The following SLC35F1 variants were observed in gnomAD, a reference collection of about 807,000 sequenced individuals.
The protein encoded by SLC35F1 is solute carrier family 35 member F1, also known as chromosome 6 open reading frame 169.
A neutral mutation model predicts 48.7 loss-of-function variants in SLC35F1; 14 were observed. The observed-to-expected ratio is 0.29, with a 90% confidence interval of 0.19 to 0.45. The LOEUF is 0.45. Among genes scored for constraint, SLC35F1 ranks in the 20% least tolerant of loss-of-function variants. The pLI is 1.00. For synonymous variants in SLC35F1, 190 were observed against 202.2 expected, an observed-to-expected ratio of 0.94 and a Z score of 0.51; for missense variants, 404 against 500.0, an observed-to-expected ratio of 0.81 and a Z score of 1.83.
intron 1 of SLC35F1, among the ~76,000 whole-genome samples, chr6:118,008,022 T>A (rs1360566140): frequency 2.6e-5 from 4 of 152,154 alleles, no homozygotes; most frequent in African/African-American, 9.7e-5. Context: ...GTGGTCTCCA[T>A]AGGCCCTTTC....
At chr6:117,980,211 C>A (rs1223160680) in intron 1 of SLC35F1, among the ~76,000 whole-genome samples, 1 of 152,094 alleles carries the variant, frequency 6.6e-6, no homozygotes, top group Non-Finnish European at 1.5e-5. Flanking sequence ...CATAAGTAAA[C>A]CTCCCACTGA....
chr6:118,121,162 C>T lies in SLC35F1; in HGVS notation c.174-33283C>T, dbSNP rs553770107. ...TTAGCATCTGTTTCTTGTATTGATC[C>T]CCCAATTCACCATGGTAAGCATTAG... is the stretch of plus-strand genomic sequence containing the variant. On this transcript the variant is annotated intron_variant, in intron 1 of 7. Coordinates refer to ENST00000360388, the MANE Select transcript of SLC35F1 (RefSeq NM_001029858.4). Among the ~76,000 whole-genome samples, 8 of 152,104 alleles carry T rather than the reference C, an allele frequency of 5.3e-5. No individual in the cohort carries two copies. In the South Asian group the frequency reaches 1.7e-3, roughly 32 times the overall value.
chr6:118,037,869 G>T (rs923979386), intron 1 of SLC35F1, among the ~76,000 whole-genome samples: 1 of 151,758 alleles, frequency 6.6e-6, no homozygotes, highest in East Asian at 1.9e-4. Context: ...GGGCCTGTTG[G>T]GGGGTGGGGG....
chr6:118,121,578 C>T (rs1278015929), intron 1 of SLC35F1, among the ~76,000 whole-genome samples: 1 of 152,166 alleles, frequency 6.6e-6, no homozygotes, highest in Admixed American at 6.5e-5. Context: ...AACTAATCAA[C>T]CTCTCATGCA....
At chr6:118,245,882 C>T (rs1275104098) in intron 3 of SLC35F1, among the ~76,000 whole-genome samples, 1 of 152,182 alleles carries the variant, frequency 6.6e-6, no homozygotes, top group African/African-American at 2.4e-5. Flanking sequence ...AGCATTCTCT[C>T]TATCCTCTGG....
chr6:118,188,689 A>G (rs1214317029), intron 2 of SLC35F1, among the ~76,000 whole-genome samples: 1 of 152,218 alleles, frequency 6.6e-6, no homozygotes, highest in African/African-American at 2.4e-5. Context: ...ATCTCATTGT[A>G]TATATACACC....
intron 5 of SLC35F1, among the ~76,000 whole-genome samples, chr6:118,276,444 G>A (rs1010587721): frequency 2.6e-5 from 4 of 152,172 alleles, no homozygotes; most frequent in Non-Finnish European, 5.9e-5. Flanking sequence ...AATTATTTAT[G>A]GAAGATATTT....
At chr6:117,938,263 T>C (rs1484269239) in intron 1 of SLC35F1, among the ~76,000 whole-genome samples, 2 of 152,130 alleles carry the variant, frequency 1.3e-5, no homozygotes, top group Admixed American at 6.5e-5. Context: ...ATGTAACATA[T>C]AAGTAAATAT....
chr6:118,168,320 C>T (rs1774349775), intron 2 of SLC35F1, among the ~76,000 whole-genome samples: 1 of 152,022 alleles, frequency 6.6e-6, no homozygotes, highest in Non-Finnish European at 1.5e-5. Context: ...CCCAAGACCC[C>T]CAATGGATGC....
intron 2 of SLC35F1, among the ~76,000 whole-genome samples, chr6:118,207,118 C>T (rs1194903546): frequency 6.6e-6 from 1 of 152,020 alleles, no homozygotes; most frequent in Non-Finnish European, 1.5e-5. Flanking sequence ...GTAGGATAAA[C>T]CTAGGCAAAT....
intron 1 of SLC35F1, among the ~76,000 whole-genome samples, chr6:118,029,314 C>T (rs1270552576): frequency 6.6e-6 from 1 of 152,038 alleles, no homozygotes; most frequent in African/African-American, 2.4e-5. Context: ...GTTTCAGTTA[C>T]CCACAGTCTA....
rs187234239 is a variant in SLC35F1, at chr6:118,112,969, C to A, written c.174-41476C>A. On this transcript the variant is annotated intron_variant, in intron 1 of 7. Transcript: ENST00000360388. ...AAAAACTAGTCCCATCTACAAGAAA[C>A]CTACTTTAATTTTAAAGACAGACAA... 1.7e-3 allele frequency among the ~76,000 whole-genome samples: 258 copies of A among 152,122 alleles called. 2 individuals carry two copies. The highest frequency in any genetic ancestry group is 0.01 in the Middle Eastern group (3 of 294).
intron 2 of SLC35F1, among the ~76,000 whole-genome samples, chr6:118,209,168 A>G (rs1774972955): frequency 6.6e-6 from 1 of 152,226 alleles, no homozygotes; most frequent in African/African-American, 2.4e-5. Context: ...CATTCTGCAT[A>G]GCTGCCCTTT....
At chr6:118,288,705 T>C (rs1776081122) in intron 7 of SLC35F1, among the ~76,000 whole-genome samples, 1 of 152,186 alleles carries the variant, frequency 6.6e-6, no homozygotes, top group Non-Finnish European at 1.5e-5. Context: ...CAGTGAGGCA[T>C]GCCCAACTCC....
At chr6:118,011,160 C>T (rs1777241110) in intron 1 of SLC35F1, among the ~76,000 whole-genome samples, 1 of 152,044 alleles carries the variant, frequency 6.6e-6, no homozygotes. Context: ...AACTGTTCCA[C>T]CTTAGATCAT....
intron 1 of SLC35F1, among the ~76,000 whole-genome samples, chr6:117,937,315 G>T (rs994498635): frequency 1.3e-5 from 2 of 152,194 alleles, no homozygotes; most frequent in Non-Finnish European, 2.9e-5. Flanking sequence ...GCACTACGAG[G>T]AGTTAGATGC....
At chr6:118,009,381 G>A (rs1051260740) in intron 1 of SLC35F1, among the ~76,000 whole-genome samples, 1 of 152,150 alleles carries the variant, frequency 6.6e-6, no homozygotes, top group Non-Finnish European at 1.5e-5. Flanking sequence ...CAGGACATAG[G>A]CAATGTCACA....
chr6:117,923,623 A>ATACG (rs1238068010), intron 1 of SLC35F1, among the ~76,000 whole-genome samples: 2,350 of 35,762 alleles, frequency 0.066, 603 homozygotes, highest in Admixed American at 0.19. Flanking sequence ...ACATATGTAT[A>ATACG]TATACATATA....
At chr6:118,125,847 C>A (rs1328112265) in intron 1 of SLC35F1, among the ~76,000 whole-genome samples, 1 of 152,192 alleles carries the variant, frequency 6.6e-6, no homozygotes, top group Admixed American at 6.5e-5. Flanking sequence ...TCTCAACTGG[C>A]CAGCTCAGGG....
Sources: allele counts gnomAD v4.1 joint callset (sites outside exome capture counted in the v4.1 genomes callset), GRCh38; gene constraint gnomAD v4.1.1; transcripts MANE v1.5; gene names NCBI Gene and HGNC (gene_info 2026-07-23, HGNC 2026-07-21).